CACNA1E: variants seen among roughly 807,000 people sequenced by gnomAD.
The protein encoded by CACNA1E is voltage-dependent R-type calcium channel subunit alpha-1E.
CACNA1E carries 40 observed loss-of-function variants against 259.2 expected under a neutral mutation model. That is an observed-to-expected ratio of 0.15 (90% CI 0.12 to 0.20). CACNA1E has a LOEUF of 0.20. Ranked by LOEUF, CACNA1E falls within the 10% of genes least tolerant of loss-of-function variation. The probability of loss-of-function intolerance (pLI) is 1.00; values close to 1 mark genes in which losing one functional copy is unlikely to be tolerated. For missense variants in CACNA1E, 1,874 were observed against 3,040.1 expected (o/e 0.62, Z 9.02); for synonymous variants, 1,104 against 1,138.5 (o/e 0.97, Z 0.61).
At chr1:181,538,599 A>G (rs1668348080) in intron 3 of CACNA1E, among the ~76,000 whole-genome samples, 1 of 152,152 alleles carries the variant, frequency 6.6e-6, no homozygotes, top group Non-Finnish European at 1.5e-5. Flanking sequence ...GCAATACATC[A>G]CCGCACTAAT....
chr1:181,720,077 G>T, intron 13 of CACNA1E, 129 bp from the exon 14 acceptor site: 1 of 1,120,576 alleles, frequency 8.9e-7, no homozygotes, highest in South Asian at 1.6e-5. Context: ...ATAGGTTTCT[G>T]CCCTCTTTAC....
At chr1:181,337,433 C>T (rs190781229) in intron 1 of CACNA1E, among the ~76,000 whole-genome samples, 1 of 152,146 alleles carries the variant, frequency 6.6e-6, no homozygotes, top group Admixed American at 6.5e-5. Context: ...TTAACTATAG[C>T]GCTAACCCTG....
intron 7 of CACNA1E, among the ~76,000 whole-genome samples, chr1:181,694,833 T>C (rs1651543903): frequency 6.6e-6 from 1 of 151,912 alleles, no homozygotes; most frequent in Non-Finnish European, 1.5e-5. Context: ...GACTTTCACT[T>C]TTACCACTTG....
Position 181,736,384 on chromosome 1 carries a change from C to A in CACNA1E, c.3372C>A (p.Gly1124=), listed in dbSNP as rs758283909. The A allele has an allele frequency of 7.9e-5, 128 of 1,612,354 alleles. No homozygotes were observed. The highest frequency in any genetic ancestry group is 1.1e-4 in the Non-Finnish European group (124 of 1,179,246). The change falls in exon 22 of 48, where the codon GGC becomes GGA. Residue 1124 remains glycine, a synonymous_variant. Transcript: ENST00000367573. The part of the protein sequence containing the change: ...KKQKKEKRET[G]KAMVPHSSMF... ...AGAAGAAGGAGAAGCGTGAGACAGG[C>A]AAAGCCATGGTGCCCCACAGCTCAA... is the stretch of plus-strand genomic sequence containing the variant.
chr1:181,720,637 A>C, intron 14 of CACNA1E, 146 bp from the exon 15 acceptor site: 1 of 666,458 alleles, frequency 1.5e-6, no homozygotes, highest in Admixed American at 2.3e-5. Flanking sequence ...CAGTCTTTGT[A>C]AGTTATGTGG....
chr1:181,752,674 C>G (rs566611117), intron 27 of CACNA1E, among the ~76,000 whole-genome samples: 51 of 152,328 alleles, frequency 3.3e-4, no homozygotes, highest in Non-Finnish European at 6.5e-4. Flanking sequence ...GGAGAAGAGG[C>G]TCTTCTAGCC....
chr1:181,574,066 A>C (rs895191714), intron 3 of CACNA1E, among the ~76,000 whole-genome samples: 6 of 152,202 alleles, frequency 3.9e-5, no homozygotes, highest in Admixed American at 1.3e-4. Context: ...CATAAGTGGG[A>C]GCTGAATGAT....
chr1:181,704,912 G>A (rs550783376), intron 7 of CACNA1E, among the ~76,000 whole-genome samples: 9 of 152,206 alleles, frequency 5.9e-5, no homozygotes, highest in African/African-American at 2.2e-4. Flanking sequence ...GACAAGCATC[G>A]AGATACCAGT....
At chr1:181,552,441 C>T (rs574098118) in intron 3 of CACNA1E, among the ~76,000 whole-genome samples, 73 of 151,020 alleles carry the variant, frequency 4.8e-4, no homozygotes, top group African/African-American at 1.7e-3. Flanking sequence ...GTATTCATAG[C>T]TTTTTTTTTC....
At chr1:181,603,511 G>T (rs958562210) in intron 6 of CACNA1E, among the ~76,000 whole-genome samples, 1 of 152,134 alleles carries the variant, frequency 6.6e-6, no homozygotes, top group African/African-American at 2.4e-5. Context: ...GCATGCATGT[G>T]TGAACACTGT....
chr1:181,402,106 A>C (rs1440021864), intron 1 of CACNA1E, among the ~76,000 whole-genome samples: 2 of 152,246 alleles, frequency 1.3e-5, no homozygotes, highest in Non-Finnish European at 2.9e-5. Flanking sequence ...CTGCTAACAC[A>C]ACTAAAGGTA....
chr1:181,609,733 C>T (rs1351138620), intron 6 of CACNA1E, among the ~76,000 whole-genome samples: 1 of 152,174 alleles, frequency 6.6e-6, no homozygotes, highest in Admixed American at 6.5e-5. Context: ...ATTCTCACAG[C>T]AGTTGTGTGA....
chr1:181,429,738 G>A (rs1311184252), intron 2 of CACNA1E, among the ~76,000 whole-genome samples: 2 of 152,192 alleles, frequency 1.3e-5, no homozygotes, highest in African/African-American at 4.8e-5. Flanking sequence ...ACAGTAAGCT[G>A]CCCAATGACC....
intron 6 of CACNA1E, among the ~76,000 whole-genome samples, chr1:181,634,232 G>A (rs368923679): frequency 6.6e-6 from 1 of 152,216 alleles, no homozygotes; most frequent in Middle Eastern, 3.4e-3. Flanking sequence ...GACTTCATTG[G>A]GTCATTATGA....
chr1:181,333,069 ATC>A (rs1651410822), intron 1 of CACNA1E, among the ~76,000 whole-genome samples: 1 of 152,060 alleles, frequency 6.6e-6, no homozygotes, highest in Non-Finnish European at 1.5e-5. Flanking sequence ...TGCTAACTGG[ATC>A]TCTCTGAGGA....
chr1:181,783,250 CA>C (rs1254015328), intron 39 of CACNA1E, among the ~76,000 whole-genome samples: 1 of 152,152 alleles, frequency 6.6e-6, no homozygotes, highest in Non-Finnish European at 1.5e-5. Context: ...ATATGAGTTT[CA>C]GGGGGTATTC....
At chr1:181,634,190 T>G (rs1332659854) in intron 6 of CACNA1E, among the ~76,000 whole-genome samples, 2 of 152,190 alleles carry the variant, frequency 1.3e-5, no homozygotes, top group African/African-American at 4.8e-5. Context: ...TAAGCTCACT[T>G]TGCTCTTCTT....
intron 1 of CACNA1E, among the ~76,000 whole-genome samples, chr1:181,406,370 C>T (rs1450657777): frequency 6.6e-6 from 1 of 152,010 alleles, no homozygotes. Flanking sequence ...GTATTTAATT[C>T]TCACAACTTT....
chr1:181,748,129 ATTTTTT>A (rs141556496), intron 25 of CACNA1E, among the ~76,000 whole-genome samples: 1 of 151,404 alleles, frequency 6.6e-6, no homozygotes, highest in Non-Finnish European at 1.5e-5. Flanking sequence ...GACTAATTTT[ATTTTTT>A]TTTATTTTAC....
Sources: gnomAD v4.1 joint callset for allele counts (sites outside exome capture counted in the v4.1 genomes callset) on GRCh38, gnomAD v4.1.1 for gene constraint, MANE v1.5 for transcripts, NCBI Gene and HGNC (gene_info 2026-07-23, HGNC 2026-07-21) for gene names.